The following SUGCT variants were observed in gnomAD, a reference collection of about 807,000 sequenced individuals.
SUGCT encodes succinyl-CoA:glutarate-CoA transferase, also known as succinyl-CoA:glutarate CoA-transferase.
Under a neutral mutation model 55.0 loss-of-function variants are expected in SUGCT, and 41 were observed. The observed-to-expected ratio is 0.74, with a 90% confidence interval of 0.58 to 0.97. The LOEUF (loss-of-function observed/expected upper bound fraction) is 0.97, where lower values mean the gene tolerates loss of function less well. Ranked by LOEUF, SUGCT falls within the 50% of genes least tolerant of loss-of-function variation. SUGCT has a pLI of 0.00. For missense variants in SUGCT, 568 were observed against 547.8 expected (o/e 1.04, Z -0.37); for synonymous variants, 187 against 200.4 (o/e 0.93, Z 0.56).
chr7:40,698,710 T>C (rs1243539075), intron 12 of SUGCT, among the ~76,000 whole-genome samples: 1 of 152,194 alleles, frequency 6.6e-6, no homozygotes, highest in Admixed American at 6.5e-5. Context: ...AGCATTACAT[T>C]TTACTATCCA....
chr7:40,381,700 A>T (rs1784882646), intron 9 of SUGCT, among the ~76,000 whole-genome samples: 1 of 152,128 alleles, frequency 6.6e-6, no homozygotes, highest in African/African-American at 2.4e-5. Flanking sequence ...TTCATATCAT[A>T]TCATTTCCTA....
chr7:40,630,631 A>T (rs1799747526), intron 12 of SUGCT, among the ~76,000 whole-genome samples: 1 of 152,210 alleles, frequency 6.6e-6, no homozygotes, highest in Non-Finnish European at 1.5e-5. Context: ...AAAAACAAAA[A>T]CATGAAGTAA....
At chr7:40,845,681 A>C (rs910134720) in intron 13 of SUGCT, among the ~76,000 whole-genome samples, 3 of 152,214 alleles carry the variant, frequency 2.0e-5, no homozygotes, top group African/African-American at 7.2e-5. Flanking sequence ...TGGACTGCAA[A>C]GGCAAGGTGA....
intron 1 of SUGCT, chr7:40,151,627 C>G (rs13241623): frequency 0.014 from 3,257 of 227,524 alleles, 48 homozygotes; most frequent in South Asian, 0.026. Flanking sequence ...GTCTGACATT[C>G]AAGAAGCCAC....
intron 12 of SUGCT, among the ~76,000 whole-genome samples, chr7:40,729,192 G>T (rs193282914): frequency 1.3e-5 from 2 of 152,112 alleles, no homozygotes; most frequent in Admixed American, 1.3e-4. Flanking sequence ...TGCTTGCTGC[G>T]TGCCAAGTAG....
intron 9 of SUGCT, among the ~76,000 whole-genome samples, chr7:40,336,682 A>G (rs1415071148): frequency 6.6e-6 from 1 of 151,912 alleles, no homozygotes; most frequent in Non-Finnish European, 1.5e-5. Flanking sequence ...AATTTTGTTG[A>G]TCTTTTCAAA....
At chr7:40,912,865 A>G in the SUGCT span, among the ~76,000 whole-genome samples, 7 of 151,860 alleles carry the variant, frequency 4.6e-5, no homozygotes, top group East Asian at 1.2e-3. Flanking sequence ...CTGTCAGTCA[A>G]CTTGTACTCC....
intron 12 of SUGCT, among the ~76,000 whole-genome samples, chr7:40,719,263 T>C (rs1487667372): frequency 1.3e-5 from 2 of 152,248 alleles, no homozygotes; most frequent in Non-Finnish European, 1.5e-5. Context: ...TCCCTGTTCC[T>C]CAGTCCTCTG....
chr7:40,994,843 A>G, the SUGCT span, among the ~76,000 whole-genome samples: 1 of 152,084 alleles, frequency 6.6e-6, no homozygotes, highest in Non-Finnish European at 1.5e-5. Context: ...TTAAAAGAGC[A>G]CGCACTTCCT....
intron 11 of SUGCT, among the ~76,000 whole-genome samples, chr7:40,467,771 G>A (rs1036975106): frequency 4.6e-5 from 7 of 151,922 alleles, no homozygotes; most frequent in Non-Finnish European, 8.8e-5. Flanking sequence ...TAAGGATGAC[G>A]TAACTAGTAT....
chr7:40,826,256 A>G (rs930351266), intron 13 of SUGCT, among the ~76,000 whole-genome samples: 22 of 152,208 alleles, frequency 1.4e-4, no homozygotes, highest in African/African-American at 5.3e-4. Context: ...GCATCCTTCA[A>G]CTGATACACT....
chr7:40,937,115 G>T, the SUGCT span, among the ~76,000 whole-genome samples: 1 of 152,110 alleles, frequency 6.6e-6, no homozygotes, highest in Non-Finnish European at 1.5e-5. Flanking sequence ...GTAGTTTATA[G>T]TGCTATTCAA....
At chr7:40,278,682 T>C (rs961839182) in intron 8 of SUGCT, among the ~76,000 whole-genome samples, 17 of 152,072 alleles carry the variant, frequency 1.1e-4, no homozygotes, top group Non-Finnish European at 2.5e-4. Context: ...GACATCTCTT[T>C]TCTCCTTTTT....
chr7:40,608,857 G>A lies in SUGCT; in HGVS notation c.1089+112471G>A, dbSNP rs776008997. Among the ~76,000 whole-genome samples, 5 of 152,078 alleles carry A rather than the reference G, an allele frequency of 3.3e-5. 1 individual carries two copies. In the South Asian group the frequency reaches 6.2e-4, roughly 19 times the overall value. On this transcript the variant is annotated intron_variant, in intron 12 of 13. Transcript: ENST00000335693. Reference sequence around the variant, plus strand: ...ACTTAAACTGTCTTCAGAATGTCACGGACACTCTGTCAGTGACACTTTTCA... The same window carrying A: ...ACTTAAACTGTCTTCAGAATGTCACAGACACTCTGTCAGTGACACTTTTCA...
At chr7:40,535,624 C>A (rs546275702) in intron 12 of SUGCT, among the ~76,000 whole-genome samples, 1 of 152,254 alleles carries the variant, frequency 6.6e-6, no homozygotes, top group South Asian at 2.1e-4. Flanking sequence ...AACCTACATG[C>A]CAATCAGGGT....
At chr7:40,148,558 C>G (rs1311086143) in intron 1 of SUGCT, among the ~76,000 whole-genome samples, 4 of 152,148 alleles carry the variant, frequency 2.6e-5, no homozygotes, top group South Asian at 4.1e-4. Context: ...GCAGGAGAAT[C>G]ACTTGAACCT....
the SUGCT span, among the ~76,000 whole-genome samples, chr7:41,015,925 G>A: frequency 0.015 from 2,205 of 151,776 alleles, 30 homozygotes; most frequent in South Asian, 0.061. Context: ...TAGGAGTGAG[G>A]GGTGTGCTGG....
At chr7:40,656,315 A>G (rs1347304209) in intron 12 of SUGCT, among the ~76,000 whole-genome samples, 1 of 151,962 alleles carries the variant, frequency 6.6e-6, no homozygotes, top group African/African-American at 2.4e-5. Context: ...AAAAATGTGT[A>G]CCTCAAAGGG....
intron 12 of SUGCT, among the ~76,000 whole-genome samples, chr7:40,564,738 G>T (rs77219489): frequency 0.029 from 4,458 of 152,296 alleles, 209 homozygotes; most frequent in African/African-American, 0.1. Context: ...TCTAGGAGGG[G>T]CTTGGCCTAA....
Sources: gnomAD v4.1 joint callset for allele counts (sites outside exome capture counted in the v4.1 genomes callset) on GRCh38, gnomAD v4.1.1 for gene constraint, MANE v1.5 for transcripts, NCBI Gene and HGNC (gene_info 2026-07-23, HGNC 2026-07-21) for gene names.